Variants in UBR4 observed in about 807,000 individuals in gnomAD.
The protein encoded by UBR4 is ubiquitin protein ligase E3 component n-recognin 4, also known as E3 ubiquitin-protein ligase UBR4.
A neutral mutation model predicts 575.6 loss-of-function variants in UBR4; 124 were observed. The ratio of observed to expected loss-of-function variants is 0.22; its 90% CI spans 0.19 to 0.25. The LOEUF (loss-of-function observed/expected upper bound fraction) is 0.25, where lower values mean the gene tolerates loss of function less well. Ranked by LOEUF, UBR4 falls within the 10% of genes least tolerant of loss-of-function variation. UBR4 has a pLI of 1.00. For synonymous variants in UBR4, 2,455 were observed against 2,473.7 expected (o/e 0.99, Z 0.22); for missense variants, 4,818 against 6,478.8 (o/e 0.74, Z 8.80).
chr1:19,197,870 T>G, intron 6 of UBR4, 59 bp from the exon 7 acceptor site: 1 of 1,612,230 alleles, frequency 6.2e-7, no homozygotes, highest in East Asian at 2.2e-5. Context: ...TTGATTCTTA[T>G]CCATATGACA....
chr1:19,185,034 A>G (rs2091386709), intron 15 of UBR4, 65 bp downstream of exon 15: 4 of 1,589,938 alleles, frequency 2.5e-6, no homozygotes, highest in Non-Finnish European at 8.6e-7. Flanking sequence ...CATTCAAATT[A>G]TCTGCTTCTC....
chr1:19,106,201 AT>A (rs762959789), intron 83 of UBR4, among the ~76,000 whole-genome samples: 2 of 152,192 alleles, frequency 1.3e-5, no homozygotes, highest in Non-Finnish European at 2.9e-5. Context: ...AGTATTTCTT[AT>A]TTTATATATC....
At position 19,095,531 on chromosome 1, in the gene UBR4, T is replaced by C. The variant is rs746819413; in HGVS notation, c.13626+14A>G. 2.5e-6 allele frequency: 4 copies of C among 1,612,436 alleles called. No individual in the cohort carries two copies. Among genetic ancestry groups the C allele is most frequent in the Non-Finnish European group, 3.4e-6 (4 of 1,179,116 alleles). On this transcript the variant is annotated intron_variant, in intron 93 of 105. Transcript: ENST00000375254. ...AAGGCCCACTCTTCTTCACCTGCAG[T>C]CCATGCTCCTTACCAGGTTTAGGGT...
chr1:19,172,856 C>T lies in UBR4; in HGVS notation c.3521+8G>A, dbSNP rs762033318. 7.4e-6 allele frequency: 12 copies of T among 1,613,654 alleles called. No individual in the cohort carries two copies. The South Asian group carries it at 7.7e-5, about 10-fold the overall frequency. ...CATGTGCATCTCTGGGCAGGCAGTT[C>T]GCCACACCTGGTGAACGATGCATAG... On this transcript the variant is annotated splice_region_variant and intron_variant, in intron 25 of 105. Coordinates refer to ENST00000375254, the MANE Select transcript of UBR4 (RefSeq NM_020765.3).
intron 36 of UBR4, 40 bp downstream of exon 36, chr1:19,161,787 G>A (rs959294146): frequency 1.9e-6 from 3 of 1,614,024 alleles, no homozygotes; most frequent in Non-Finnish European, 2.5e-6. Context: ...AACAATCGGT[G>A]CCCAGCAAAT....
chr1:19,179,464 T>C (rs1184761728), intron 17 of UBR4, among the ~76,000 whole-genome samples: 3 of 152,236 alleles, frequency 2.0e-5, no homozygotes, highest in Non-Finnish European at 4.4e-5. Flanking sequence ...GAGTGTCAGA[T>C]ATGGGCTCCT....
chr1:19,151,574 A>T, intron 48 of UBR4, 69 bp downstream of exon 48: 3 of 1,529,718 alleles, frequency 2.0e-6, no homozygotes, highest in Non-Finnish European at 2.7e-6. Context: ...TTGGACAGCC[A>T]CAGGCCAGTG....
In UBR4 at chr1:19,114,898, G is replaced by A. The variant is rs2149364910; in HGVS notation, c.11115C>T (p.Phe3705=). Reference sequence around the variant, plus strand: ...TGAAGTCGAAGCGGGCATATTTACAGAAGCCACAGGCATTGCAGAGGAAGG... The same window carrying A: ...TGAAGTCGAAGCGGGCATATTTACAAAAGCCACAGGCATTGCAGAGGAAGG... The part of the protein sequence containing the change: ...KDPFLCNACG[F]CKYARFDFML... The change falls in exon 75 of 106, where the codon TTC becomes TTT. Residue 3705 remains phenylalanine (F), a synonymous_variant. Coordinates refer to ENST00000375254, the MANE Select transcript of UBR4 (RefSeq NM_020765.3). 4 of 1,614,210 alleles carry A rather than the reference G, an allele frequency of 2.5e-6. No individual in the cohort carries two copies. The highest frequency in any genetic ancestry group is 3.4e-6 in the Non-Finnish European group (4 of 1,180,030).
At position 19,115,644 on chromosome 1, in the gene UBR4, A is replaced by T; in HGVS notation, c.10824-7T>A. 6.2e-7 allele frequency: 1 copy of T among 1,613,858 alleles called. No individual in the cohort carries two copies. Among genetic ancestry groups the T allele is most frequent in the Non-Finnish European group, 8.5e-7 (1 of 1,179,836 alleles). ...TTTGTGCCAGCGAGCTGGCCTAGGA[A>T]AGACAGACAGCCTTGAGATTTTCTC... On this transcript the variant is annotated splice_polypyrimidine_tract_variant and splice_region_variant and intron_variant, in intron 73 of 105. Transcript: ENST00000375254.
intron 29 of UBR4, among the ~76,000 whole-genome samples, chr1:19,166,004 C>A (rs539293133): frequency 5.9e-5 from 9 of 152,210 alleles, no homozygotes; most frequent in Non-Finnish European, 1.3e-4. Context: ...GGAAAGGCAT[C>A]TAAAGCTCAG....
At chr1:19,202,866 G>A (rs763461392) in intron 1 of UBR4, among the ~76,000 whole-genome samples, 3 of 152,100 alleles carry the variant, frequency 2.0e-5, no homozygotes, top group Non-Finnish European at 4.4e-5. Flanking sequence ...GCAGGTGGAT[G>A]ACGAGATCAG....
In UBR4 at chr1:19,153,772, G is replaced by A. The variant is rs748155653; in HGVS notation, c.6626C>T (p.Ala2209Val). The A allele has an allele frequency of 1.9e-5, 31 of 1,613,334 alleles. No individual in the cohort carries two copies. The highest frequency in any genetic ancestry group is 1.6e-4 in the Middle Eastern group (1 of 6,062). ...ATGGGAAAATCTGGCACTGACCTTC[G>A]CTTTAGCAGGAAGAGTCTTAATCTC... is the stretch of plus-strand genomic sequence containing the variant. The part of the protein sequence containing the change: ...IQEIKTLPAK[A>V]KIQDMVAIRH... Residue 2209 changes from alanine (A) to valine (V), a missense_variant, in exon 45 of 106, where the codon GCG becomes GTG. Physicochemically the swap from Ala to Val is moderately conservative, Grantham distance 64. Coordinates refer to ENST00000375254, the MANE Select transcript of UBR4 (RefSeq NM_020765.3). The surrounding 1 kb of genome is among the most constrained non-coding windows in gnomAD (Gnocchi z 4.1).
chr1:19,107,650 T>C (rs2079372080), intron 81 of UBR4, among the ~76,000 whole-genome samples: 1 of 152,090 alleles, frequency 6.6e-6, no homozygotes, highest in Non-Finnish European at 1.5e-5. Flanking sequence ...CTGGGCACGG[T>C]AGTATATGCC....
chr1:19,097,339 C>A lies in UBR4; in HGVS notation c.13303-59G>T. ...AACAGGCCCAGACAAATGCAAAGGA[C>A]TCCATACTTGGTCTTGCTTAAAGCC... On this transcript the variant is annotated intron_variant, in intron 90 of 105. Coordinates refer to ENST00000375254, the MANE Select transcript of UBR4 (RefSeq NM_020765.3). The A allele has an allele frequency of 2.0e-6, 3 of 1,500,436 alleles. No homozygotes were observed. In the South Asian group the frequency reaches 3.6e-5, roughly 18 times the overall value. 92.9% of individuals were successfully genotyped at this position (1,500,436 alleles called of 1,614,324 possible). A position where few individuals can be genotyped will look rare whatever the true frequency, so the allele number is the denominator to read the frequency against.
In UBR4 at chr1:19,156,261, G is replaced by A. The variant is rs1395631623; in HGVS notation, c.6072+10C>T. ...TCTAGGACCATATCATCAAAGAACT[G>A]TAACTGTACCTTAACAAAGTCTGCG... On this transcript the variant is annotated intron_variant, in intron 42 of 105. Transcript: ENST00000375254. 1 of 1,613,946 alleles carries A rather than the reference G, an allele frequency of 6.2e-7. No individual in the cohort carries two copies. Among genetic ancestry groups the A allele is most frequent in the Admixed American group, 1.7e-5 (1 of 59,988 alleles).
Position 19,096,517 on chromosome 1 carries a change from A to G in UBR4, c.13518+6T>C, listed in dbSNP as rs1460531808. 1 of 1,611,158 alleles carries G rather than the reference A, an allele frequency of 6.2e-7. No homozygotes were observed. Among genetic ancestry groups the G allele is most frequent in the Non-Finnish European group, 8.5e-7 (1 of 1,178,792 alleles). On this transcript the variant is annotated splice_donor_region_variant and intron_variant, in intron 92 of 105. Coordinates refer to ENST00000375254, the MANE Select transcript of UBR4 (RefSeq NM_020765.3). ...TGGCCCCCACAACTTGCTGCCCCCA[A>G]CTCACTGTTAGAAGGTGGCGTCCCT...
intron 49 of UBR4, chr1:19,149,855 G>C: frequency 7.9e-7 from 1 of 1,263,016 alleles, no homozygotes; most frequent in African/African-American, 1.6e-5. Context: ...AGAGAAACCC[G>C]GAAACACATC....
chr1:19,160,594 C>A (rs114182512), intron 38 of UBR4, among the ~76,000 whole-genome samples: 1 of 152,100 alleles, frequency 6.6e-6, no homozygotes, highest in African/African-American at 2.4e-5. Flanking sequence ...GGTTTTGTAC[C>A]ATCCATGGGA....
rs1314877169 is a variant in UBR4 at position 19,097,248 on chromosome 1, C to T, written c.13335G>A (p.Arg4445=). 6.2e-7 allele frequency: 1 copy of T among 1,613,692 alleles called. No homozygotes were observed. Among genetic ancestry groups the T allele is most frequent in the Non-Finnish European group, 8.5e-7 (1 of 1,179,868 alleles). ...CCTCTGTGGCATCGCCCAGCAGCCC[C>T]CGCATACGATAAACAATCCTCATGG... is the stretch of plus-strand genomic sequence containing the variant. The part of the protein sequence containing the change: ...GEPMRIVYRM[R]GLLGDATEEF... The change falls in exon 91 of 106, where the codon CGG becomes CGA. Residue 4445 remains arginine, a synonymous_variant. Transcript: ENST00000375254.
Sources: allele counts gnomAD v4.1 joint callset (sites outside exome capture counted in the v4.1 genomes callset), GRCh38; gene constraint gnomAD v4.1.1; non-coding constraint Gnocchi (gnomAD v3.1); transcripts MANE v1.5; gene names NCBI Gene and HGNC (gene_info 2026-07-23, HGNC 2026-07-21).